The following TXNRD1 variants were observed in gnomAD, a reference collection of about 807,000 sequenced individuals.
The protein encoded by TXNRD1 is thioredoxin reductase 1, cytoplasmic.
A neutral mutation model predicts 80.3 loss-of-function variants in TXNRD1; 57 were observed. The ratio of observed to expected loss-of-function variants is 0.71; its 90% CI spans 0.57 to 0.89. The LOEUF is 0.89. Among genes scored for constraint, TXNRD1 ranks in the 40% least tolerant of loss-of-function variants. The pLI, the probability that TXNRD1 is intolerant of heterozygous loss-of-function variation, is 0.00. For missense variants in TXNRD1, 730 were observed against 803.0 expected (o/e 0.91, Z 1.10); for synonymous variants, 291 against 285.2 (o/e 1.02, Z -0.20).
chr12:104,328,186 A>AG (rs1379823128), intron 13 of TXNRD1, among the ~76,000 whole-genome samples: 36 of 152,026 alleles, frequency 2.4e-4, no homozygotes, highest in African/African-American at 8.7e-4. Context: ...TAAAAAAAAA[A>AG]AAAAGAAAAT....
intron 4 of TXNRD1, among the ~76,000 whole-genome samples, chr12:104,307,962 T>C (rs1330670532): frequency 6.6e-6 from 1 of 152,090 alleles, no homozygotes; most frequent in Non-Finnish European, 1.5e-5. Flanking sequence ...GTCAGAATTA[T>C]TTTCATAATA....
intron 1 of TXNRD1, among the ~76,000 whole-genome samples, chr12:104,243,276 TC>T (rs906884000): frequency 6.6e-6 from 1 of 152,188 alleles, no homozygotes; most frequent in African/African-American, 2.4e-5. Flanking sequence ...TAGTCTTCCT[TC>T]CGTGTGTTTC....
chr12:104,218,677 G>A (rs1236387101), intron 1 of TXNRD1, among the ~76,000 whole-genome samples: 1 of 150,696 alleles, frequency 6.6e-6, no homozygotes, highest in Non-Finnish European at 1.5e-5. Context: ...GAGTGCAGTG[G>A]CCCAATCATA....
chr12:104,303,967 C>T (rs768965326), intron 4 of TXNRD1: 1 of 1,603,842 alleles, frequency 6.2e-7, no homozygotes, highest in Admixed American at 1.7e-5. Flanking sequence ...GGGCCGCGGG[C>T]TGCTCCGACG....
intron 13 of TXNRD1, 59 bp from the exon 14 acceptor site, chr12:104,331,474 AC>A: frequency 1.7e-6 from 2 of 1,144,702 alleles, no homozygotes; most frequent in Non-Finnish European, 2.5e-6. Flanking sequence ...TTTTTTGAAT[AC>A]CTTTTTTTTT....
intron 1 of TXNRD1, among the ~76,000 whole-genome samples, chr12:104,245,648 C>CAAA (rs149083903): frequency 9.2e-6 from 1 of 108,868 alleles, no homozygotes; most frequent in African/African-American, 3.5e-5. Flanking sequence ...GACCCTGTCT[C>CAAA]AAAAAAAAAA....
intron 4 of TXNRD1, among the ~76,000 whole-genome samples, chr12:104,289,730 T>A: frequency 1.7e-5 from 1 of 59,534 alleles, no homozygotes; most frequent in East Asian, 4.0e-4. Context: ...TATGTTTTAT[T>A]TATGTATTTA....
rs548836513 is a variant in TXNRD1, at chr12:104,293,456, C to T, written c.414+4416C>T. 1.7e-4 allele frequency among the ~76,000 whole-genome samples: 26 copies of T among 152,214 alleles called. 1 individual carries two copies. The South Asian group carries it at 5.2e-3, about 30-fold the overall frequency. On this transcript the variant is annotated intron_variant, in intron 4 of 16. Coordinates refer to ENST00000525566, the MANE Select transcript of TXNRD1 (RefSeq NM_001093771.3). ...TGGGGGGTAGATGCTGAGACAAAGG[C>T]AGGTCTCCTTTTATGTTTTGAGACA... is the stretch of plus-strand genomic sequence containing the variant.
chr12:104,339,461 C>A (rs367844970), intron 16 of TXNRD1, 188 bp downstream of exon 16: 4 of 798,628 alleles, frequency 5.0e-6, no homozygotes, highest in African/African-American at 1.7e-5. Flanking sequence ...TGGAGGCTTC[C>A]GTCATGTCGT....
chr12:104,340,110 G>GTC (rs958555426), intron 16 of TXNRD1, among the ~76,000 whole-genome samples: 1 of 152,174 alleles, frequency 6.6e-6, no homozygotes, highest in Admixed American at 6.5e-5. Context: ...CTTTTGCTTT[G>GTC]TCTTCTCTGT....
Position 104,320,875 on chromosome 12 carries a change from A to G in TXNRD1, c.990-216A>G, listed in dbSNP as rs1046799401. Among the ~76,000 whole-genome samples the G allele has an allele frequency of 2.6e-5, 4 of 152,190 alleles. No homozygotes were observed. The East Asian group carries it at 7.7e-4, about 29-fold the overall frequency. The stretch of plus-strand genomic sequence containing the variant: ...GTTACACAGTTTGCTGTGTTTAGCT[A>G]TGGGTAGCTTGAGCTACTCCCAAAG... On this transcript the variant is annotated intron_variant, in intron 9 of 16. Coordinates refer to ENST00000525566, the MANE Select transcript of TXNRD1 (RefSeq NM_001093771.3).
intron 1 of TXNRD1, among the ~76,000 whole-genome samples, chr12:104,219,850 T>C (rs1457830472): frequency 6.6e-6 from 1 of 152,164 alleles, no homozygotes; most frequent in East Asian, 1.9e-4. Context: ...CAGCTTCTTC[T>C]AGTAAGGAGA....
intron 3 of TXNRD1, among the ~76,000 whole-genome samples, chr12:104,267,942 C>T (rs1205938986): frequency 6.6e-5 from 10 of 150,838 alleles, no homozygotes; most frequent in African/African-American, 1.2e-4. Flanking sequence ...CTCCATCTCC[C>T]GGGTTCAAAC....
chr12:104,265,423 G>T lies in TXNRD1; in HGVS notation c.304+7344G>T, dbSNP rs2033458850. On this transcript the variant is annotated intron_variant, in intron 3 of 16. Coordinates refer to ENST00000525566, the MANE Select transcript of TXNRD1 (RefSeq NM_001093771.3). ...GCGAATCTTTGCGCCTAATCATGTC[G>T]TCGCCAAGTCCCGCTTCTGGTACTT... is the stretch of plus-strand genomic sequence containing the variant. The T allele has an allele frequency of 4.4e-6, 7 of 1,603,676 alleles. No individual in the cohort carries two copies. The South Asian group carries it at 6.6e-5, about 15-fold the overall frequency.
intron 1 of TXNRD1, among the ~76,000 whole-genome samples, chr12:104,241,397 G>C (rs1027683326): frequency 1.3e-5 from 2 of 151,362 alleles, no homozygotes; most frequent in East Asian, 3.9e-4. Flanking sequence ...TTGAGATGGA[G>C]TTTTGCTGTT....
intron 1 of TXNRD1, among the ~76,000 whole-genome samples, chr12:104,217,142 T>C (rs1308207187): frequency 6.6e-6 from 1 of 152,076 alleles, no homozygotes; most frequent in African/African-American, 2.4e-5. Context: ...GGCAGCTAAT[T>C]TGTGGCCATT....
chr12:104,242,150 A>T (rs1820782860), intron 1 of TXNRD1, among the ~76,000 whole-genome samples: 1 of 151,062 alleles, frequency 6.6e-6, no homozygotes, highest in South Asian at 2.1e-4. Context: ...AGTTGGCCAG[A>T]GTGGTCTTGA....
chr12:104,303,526 G>A (rs971743530), intron 4 of TXNRD1, among the ~76,000 whole-genome samples: 3 of 152,228 alleles, frequency 2.0e-5, no homozygotes, highest in African/African-American at 7.2e-5. Context: ...AAAGTGAGGT[G>A]ATCCAGTCGG....
intron 3 of TXNRD1, among the ~76,000 whole-genome samples, chr12:104,277,634 C>T (rs2033783228): frequency 6.6e-6 from 1 of 151,876 alleles, no homozygotes; most frequent in East Asian, 1.9e-4. Context: ...CAGTAGATTC[C>T]AGAGTTTTCA....
Sources: gnomAD v4.1 joint callset for allele counts (sites outside exome capture counted in the v4.1 genomes callset) on GRCh38, gnomAD v4.1.1 for gene constraint, MANE v1.5 for transcripts, NCBI Gene and HGNC (gene_info 2026-07-23, HGNC 2026-07-21) for gene names.